The following CYB5R4 variants were observed in gnomAD, a reference collection of about 807,000 sequenced individuals.
CYB5R4 encodes the protein N-terminal cytochrome b5 and cytochrome b5 oxidoreductase domain-containing protein.
CYB5R4 carries 55 observed loss-of-function variants against 70.2 expected under a neutral mutation model. The ratio of observed to expected loss-of-function variants is 0.78; its 90% confidence interval spans 0.63 to 0.98. CYB5R4 has a LOEUF of 0.98. Among genes scored for constraint, CYB5R4 ranks in the 50% least tolerant of loss-of-function variants. The probability of loss-of-function intolerance (pLI) is 0.00; values close to 1 mark genes in which losing one functional copy is unlikely to be tolerated. For synonymous variants in CYB5R4, 197 were observed against 199.5 expected (o/e 0.99, Z 0.11); for missense variants, 562 against 612.6 (o/e 0.92, Z 0.87).
chr6:83,920,857 G>C (rs1477309452), intron 7 of CYB5R4, among the ~76,000 whole-genome samples: 1 of 152,042 alleles, frequency 6.6e-6, no homozygotes, highest in African/African-American at 2.4e-5. Flanking sequence ...TAGTGGATAA[G>C]GTAGATATTA....
intron 3 of CYB5R4, among the ~76,000 whole-genome samples, chr6:83,903,064 G>C (rs2099463248): frequency 6.6e-6 from 1 of 152,064 alleles, no homozygotes; most frequent in African/African-American, 2.4e-5. Context: ...GTATTAAATA[G>C]GGGTAGTGAA....
intron 2 of CYB5R4, among the ~76,000 whole-genome samples, chr6:83,871,128 A>G (rs1562826542): frequency 1.3e-5 from 2 of 151,752 alleles, no homozygotes; most frequent in Non-Finnish European, 2.9e-5. Flanking sequence ...AGGCGCCTGC[A>G]GCCATGCCCG....
chr6:83,880,601 A>G (rs1014311784), intron 2 of CYB5R4, among the ~76,000 whole-genome samples: 7 of 152,150 alleles, frequency 4.6e-5, no homozygotes, highest in African/African-American at 1.7e-4. Context: ...GGAGAAGTTT[A>G]TAATTTTTTT....
intron 2 of CYB5R4, among the ~76,000 whole-genome samples, chr6:83,890,069 C>T (rs1227513687): frequency 6.6e-6 from 1 of 152,154 alleles, no homozygotes; most frequent in Non-Finnish European, 1.5e-5. Flanking sequence ...CGGCATCCAT[C>T]CTGCAGCCCA....
intron 14 of CYB5R4, among the ~76,000 whole-genome samples, chr6:83,954,895 TTTG>T (rs1027181695): frequency 2.7e-5 from 4 of 149,524 alleles, no homozygotes; most frequent in Admixed American, 6.6e-5. Flanking sequence ...AACAGTTTTT[TTTG>T]TTGTTGTTGT....
At chr6:83,860,273 G>T (rs1333124518) in intron 1 of CYB5R4, among the ~76,000 whole-genome samples, 2 of 152,060 alleles carry the variant, frequency 1.3e-5, no homozygotes, top group African/African-American at 2.4e-5. Context: ...GGGTTCCCTC[G>T]CAGGAGGGAA....
In CYB5R4 at chr6:83,862,924, A is replaced by G. The variant is rs73493137; in HGVS notation, c.76-1251A>G. 6.1e-3 allele frequency among the ~76,000 whole-genome samples: 927 copies of G among 152,344 alleles called. 9 individuals are homozygous for G. Among genetic ancestry groups the G allele is most frequent in the African/African-American group, 0.021 (881 of 41,582 alleles). ...AGAATGTGAAAGGCACCACAGACCT[A>G]TTAACTTGGTTACTTTGGGAGTAAA... On this transcript the variant is annotated intron_variant, in intron 1 of 15. Coordinates refer to ENST00000369681, the MANE Select transcript of CYB5R4 (RefSeq NM_016230.4).
chr6:83,893,807 A>C (rs917283895), intron 3 of CYB5R4, among the ~76,000 whole-genome samples, 185 bp downstream of exon 3: 2 of 152,210 alleles, frequency 1.3e-5, no homozygotes, highest in African/African-American at 4.8e-5. Context: ...AGTTATTAAA[A>C]TTTTAGAGAT....
intron 14 of CYB5R4, among the ~76,000 whole-genome samples, chr6:83,946,038 G>A (rs149138860): frequency 0.011 from 1,748 of 152,158 alleles, 32 homozygotes; most frequent in African/African-American, 0.04. Flanking sequence ...ATTCCAAACA[G>A]TAGAAAAAGA....
intron 14 of CYB5R4, among the ~76,000 whole-genome samples, chr6:83,945,013 C>T (rs931058249): frequency 1.3e-5 from 2 of 151,932 alleles, no homozygotes; most frequent in East Asian, 1.9e-4. Flanking sequence ...TTAGACAGAT[C>T]AATGAGACAG....
At chr6:83,906,647 A>G (rs1489378255) in intron 3 of CYB5R4, among the ~76,000 whole-genome samples, 1 of 152,110 alleles carries the variant, frequency 6.6e-6, no homozygotes, top group Non-Finnish European at 1.5e-5. Context: ...TGCTTTAGGT[A>G]TCTCCTGTCA....
At chr6:83,912,289 A>G (rs1406633316) in intron 4 of CYB5R4, among the ~76,000 whole-genome samples, 1 of 151,912 alleles carries the variant, frequency 6.6e-6, no homozygotes, top group Non-Finnish European at 1.5e-5. Context: ...GACTGAATAT[A>G]TTTTCTTATT....
At chr6:83,878,638 G>A (rs866492811) in intron 2 of CYB5R4, among the ~76,000 whole-genome samples, 2 of 152,074 alleles carry the variant, frequency 1.3e-5, no homozygotes, top group East Asian at 1.9e-4. Context: ...GAGCCACCGC[G>A]CCCAGCCGTG....
Position 83,963,743 on chromosome 6 carries a change from A to T in CYB5R4, c.*3865A>T, listed in dbSNP as rs988349641. 1 of 152,242 alleles carries T rather than the reference A, an allele frequency of 6.6e-6. No individual in the cohort carries two copies. The highest frequency in any genetic ancestry group is 2.4e-5 in the African/African-American group (1 of 41,446). 9.4% of individuals were successfully genotyped at this position (152,242 alleles called of 1,614,324 possible). A position where few individuals can be genotyped will look rare whatever the true frequency, so the allele number is the denominator to read the frequency against. On this transcript the variant is annotated 3_prime_UTR_variant, in exon 16 of 16. Coordinates refer to ENST00000369681, the MANE Select transcript of CYB5R4 (RefSeq NM_016230.4). ...GTGCAGCATTACACGTAGAGTTAAA[A>T]TGTGGAAACAACCCAAACATCCTGA...
intron 2 of CYB5R4, among the ~76,000 whole-genome samples, chr6:83,879,383 C>T (rs771635120): frequency 6.6e-6 from 1 of 152,102 alleles, no homozygotes; most frequent in Non-Finnish European, 1.5e-5. Flanking sequence ...CAGTATTTAG[C>T]TAGCATTTGC....
intron 5 of CYB5R4, among the ~76,000 whole-genome samples, chr6:83,917,685 A>G (rs1459318519): frequency 2.0e-5 from 3 of 152,122 alleles, no homozygotes; most frequent in Non-Finnish European, 4.4e-5. Context: ...CTAAAAGAGA[A>G]CATGTGTTAT....
At position 83,893,448 on chromosome 6, in the gene CYB5R4, G is replaced by GA. The variant is rs1417168633; in HGVS notation, c.230-71dup. The GA allele has an allele frequency of 3.9e-5, 33 of 838,348 alleles. No homozygotes were observed. In the East Asian group the frequency reaches 8.5e-4, roughly 21 times the overall value. 51.9% of individuals were successfully genotyped at this position (838,348 alleles called of 1,614,324 possible). A position where few individuals can be genotyped will look rare whatever the true frequency, so the allele number is the denominator to read the frequency against. ...TGGAATGTATTTGGAAAGATTTATT[G>GA]AAACTTATATTTATAAGTTTTACAA... On this transcript the variant is annotated intron_variant, in intron 2 of 15. Transcript: ENST00000369681.
In CYB5R4 at chr6:83,945,506, G is replaced by A. The variant is rs530453485; in HGVS notation, c.1346+4905G>A. Among the ~76,000 whole-genome samples, 27 of 151,990 alleles carry A rather than the reference G, an allele frequency of 1.8e-4. No homozygotes were observed. In the South Asian group the frequency reaches 5.6e-3, roughly 32 times the overall value. On this transcript the variant is annotated intron_variant, in intron 14 of 15. Transcript: ENST00000369681. ...AATCGACACCCTAACATCACAATGAGAAGAACTAGAGAAGCAACAGCAAAC... is the reference window on the plus strand; with the variant it reads ...AATCGACACCCTAACATCACAATGAAAAGAACTAGAGAAGCAACAGCAAAC...
At chr6:83,924,027 G>T (rs1326587798) in intron 9 of CYB5R4, among the ~76,000 whole-genome samples, 2 of 126,636 alleles carry the variant, frequency 1.6e-5, no homozygotes, top group South Asian at 5.0e-4. Flanking sequence ...CCAAGATCAC[G>T]CCACTGCCCT....
Sources: allele counts gnomAD v4.1 joint callset (sites outside exome capture counted in the v4.1 genomes callset), GRCh38; gene constraint gnomAD v4.1.1; transcripts MANE v1.5; gene names NCBI Gene and HGNC (gene_info 2026-07-23, HGNC 2026-07-21).